The following LGALS12 variants were observed in gnomAD, a reference collection of about 807,000 sequenced individuals.
LGALS12 encodes the protein galectin-12.
In LGALS12, 36 loss-of-function variants were observed where a neutral mutation model predicts 36.8. That is an observed-to-expected ratio of 0.98 (90% confidence interval 0.75 to 1.29). The LOEUF (loss-of-function observed/expected upper bound fraction) is 1.29, where lower values mean the gene tolerates loss of function less well. Ranked by LOEUF, LGALS12 falls within the 50% of genes most tolerant of loss-of-function variation. The probability of loss-of-function intolerance (pLI) is 0.00; values close to 1 mark genes in which losing one functional copy is unlikely to be tolerated. For missense variants in LGALS12, 366 were observed against 394.3 expected (o/e 0.93, Z 0.61); for synonymous variants, 145 against 155.9 (o/e 0.93, Z 0.52).
intron 7 of LGALS12, 21 bp from the exon 8 acceptor site, chr11:63,515,539 TCTC>T (rs763762533): frequency 1.2e-6 from 2 of 1,612,552 alleles, no homozygotes; most frequent in Non-Finnish European, 1.7e-6. Flanking sequence ...GCTGATTCCT[TCTC>T]CTTCCTCCTG....
At chr11:63,508,687 G>A in intron 2 of LGALS12, 46 bp downstream of exon 2, 2 of 1,613,624 alleles carry the variant, frequency 1.2e-6, no homozygotes, top group Non-Finnish European at 1.7e-6. Flanking sequence ...CTCAGCCCTA[G>A]AGGCATCGAG....
chr11:63,511,891 G>C (rs767269117), intron 7 of LGALS12, 51 bp downstream of exon 7: 1 of 1,128,766 alleles, frequency 8.9e-7, no homozygotes, highest in Non-Finnish European at 1.4e-6. Context: ...CTCTGTGACA[G>C]TCACATGCTA....
In LGALS12 at chr11:63,516,308, C is replaced by T. The variant is rs533427521; in HGVS notation, c.860C>T (p.Ala287Val). ...KLALNGQGLGATSMNQQALEQ... is the reference protein window; with the variant it reads ...KLALNGQGLGVTSMNQQALEQ... The stretch of plus-strand genomic sequence containing the variant: ...GCGCTCAATGGGCAGGGGCTGGGGG[C>T]CACCAGCATGAACCAGCAGGCCCTG... Residue 287 changes from alanine (A) to valine (V), a missense_variant, in exon 9 of 9, where the codon GCC becomes GTC. Ala to Val is a moderately conservative substitution (Grantham distance 64, BLOSUM62 0). Coordinates refer to ENST00000394618, the MANE Select transcript of LGALS12 (RefSeq NM_033101.4). The T allele has an allele frequency of 1.2e-5, 19 of 1,611,962 alleles. No individual in the cohort carries two copies. The highest frequency in any genetic ancestry group is 1.7e-4 in the Middle Eastern group (1 of 6,044).
In LGALS12 at chr11:63,508,688, A is replaced by G. The variant is rs759274841; in HGVS notation, c.158+47A>G. On this transcript the variant is annotated intron_variant, in intron 2 of 8. Transcript: ENST00000394618. ...AGGGGGTGCTGGAGCTCAGCCCTAGAGGCATCGAGCTGGAGGGCTCCTCCC... is the reference window on the plus strand; with the variant it reads ...AGGGGGTGCTGGAGCTCAGCCCTAGGGGCATCGAGCTGGAGGGCTCCTCCC... The G allele has an allele frequency of 3.1e-6, 5 of 1,613,384 alleles. No individual in the cohort carries two copies. In the African/African-American group the frequency reaches 5.3e-5, roughly 17 times the overall value.
rs12289952 is a variant in LGALS12, at chr11:63,508,829, C to T, written c.210C>T (p.Ile70=). 1,103 of 1,614,228 alleles carry T rather than the reference C, an allele frequency of 6.8e-4. 7 individuals carry two copies. In the African/African-American group the frequency reaches 0.013, roughly 19 times the overall value. ...CGCSLCPRPD[I]AFHFNPRFHT... Reference sequence around the variant, plus strand: ...GCAGCCTGTGTCCCCGGCCAGATATCGCCTTCCACTTCAACCCTCGCTTCC... The same window carrying T: ...GCAGCCTGTGTCCCCGGCCAGATATTGCCTTCCACTTCAACCCTCGCTTCC... The change falls in exon 3 of 9, where the codon ATC becomes ATT. Residue 70 remains isoleucine (I), a synonymous_variant. Coordinates refer to ENST00000394618, the MANE Select transcript of LGALS12 (RefSeq NM_033101.4).
In LGALS12 at chr11:63,506,514, C is replaced by G; in HGVS notation, c.56C>G (p.Pro19Arg). Residue 19 changes from proline to arginine, a missense_variant, in exon 1 of 9, where the codon CCA becomes CGA. Coordinates refer to ENST00000394618, the MANE Select transcript of LGALS12 (RefSeq NM_033101.4). ...PIPDSFILQP[P>R]VFHPVVPYVT... ...CCTGACAGCTTCATTCTGCAACCACCAGTCTTCCACCCGGTGAGTTGTCAC... is the reference window on the plus strand; with the variant it reads ...CCTGACAGCTTCATTCTGCAACCACGAGTCTTCCACCCGGTGAGTTGTCAC... The G allele has an allele frequency of 6.2e-7, 1 of 1,614,232 alleles. No individual in the cohort carries two copies. Among genetic ancestry groups the G allele is most frequent in the Non-Finnish European group, 8.5e-7 (1 of 1,180,036 alleles).
intron 5 of LGALS12, 147 bp downstream of exon 5, chr11:63,510,648 G>A (rs2016890324): frequency 1.3e-6 from 1 of 748,258 alleles, no homozygotes; most frequent in Non-Finnish European, 2.2e-6. Context: ...AGTCTCTGGA[G>A]GGCCTGGATT....
At position 63,515,676 on chromosome 11, in the gene LGALS12, C is replaced by T. The variant is rs773192665; in HGVS notation, c.761C>T (p.Ser254Leu). 3 of 1,614,252 alleles carry T rather than the reference C, an allele frequency of 1.9e-6. No homozygotes were observed. The highest frequency in any genetic ancestry group is 2.5e-6 in the Non-Finnish European group (3 of 1,180,036). Residue 254 changes from serine to leucine, a missense_variant, in exon 8 of 9, where the codon TCA (serine) becomes TTA (leucine). By Grantham distance (145) the Ser-to-Leu change is moderately radical. Transcript: ENST00000394618. ...ISRWGQKKLI[S>L]APFLFYPQRF... is the part of the protein sequence containing the mutation. ...CGCTGGGGGCAGAAGAAACTGATCT[C>T]AGCCCCCTTCCTCTTTTACCCCCAG...
rs1328077675 is a variant in LGALS12, at chr11:63,516,621, C to G, written c.*228C>G. ...CCTCCACCAGGAGCCTGGGATATGGCTCCATCTGCCTTCAGGGCCTGGACT... is the reference window on the plus strand; with the variant it reads ...CCTCCACCAGGAGCCTGGGATATGGGTCCATCTGCCTTCAGGGCCTGGACT... On this transcript the variant is annotated 3_prime_UTR_variant, in exon 9 of 9. Transcript: ENST00000394618. 1 of 579,676 alleles carries G rather than the reference C, an allele frequency of 1.7e-6. No individual in the cohort carries two copies. Among genetic ancestry groups the G allele is most frequent in the South Asian group, 2.0e-5 (1 of 49,756 alleles). The allele number at this position is 579,676 out of a possible 1,614,324, so 35.9% of individuals were successfully genotyped here. A position where few individuals can be genotyped will look rare whatever the true frequency, so the allele number is the denominator to read the frequency against.
chr11:63,515,629 C>T lies in LGALS12; in HGVS notation c.714C>T (p.Asp238=). The change falls in exon 8 of 9, where the codon GAC becomes GAT. Residue 238 remains aspartate (D), a synonymous_variant. Coordinates refer to ENST00000394618, the MANE Select transcript of LGALS12 (RefSeq NM_033101.4). ...TGACACTCAGGGCCTCCTTCGCAGACAGAACTCTGGCCTGGATCTCCCGCT... is the reference window on the plus strand; with the variant it reads ...TGACACTCAGGGCCTCCTTCGCAGATAGAACTCTGGCCTGGATCTCCCGCT... The part of the protein sequence containing the change: ...APVTLRASFA[D]RTLAWISRWG... 2 of 1,614,224 alleles carry T rather than the reference C, an allele frequency of 1.2e-6. No homozygotes were observed. The highest frequency in any genetic ancestry group is 1.7e-6 in the Non-Finnish European group (2 of 1,180,026).
chr11:63,508,036 G>T (rs2016794997), intron 1 of LGALS12: 1 of 997,018 alleles, frequency 1.0e-6, no homozygotes, highest in Non-Finnish European at 1.2e-6. Flanking sequence ...ACAGAGCCCA[G>T]CCCAGGTAAC....
Position 63,508,890 on chromosome 11 carries a change from C to T in LGALS12, c.271C>T (p.His91Tyr). 1 of 1,614,260 alleles carries T rather than the reference C, an allele frequency of 6.2e-7. No homozygotes were observed. The highest frequency in any genetic ancestry group is 2.2e-5 in the East Asian group (1 of 44,894). Residue 91 changes from histidine (H) to tyrosine (Y), a missense_variant, in exon 3 of 9, where the codon CAT becomes TAT. Physicochemically the swap from His to Tyr is moderately conservative, Grantham distance 83. Coordinates refer to ENST00000394618, the MANE Select transcript of LGALS12 (RefSeq NM_033101.4). ...GCCCCATGTCATCTGCAACACCCTGCATGGTGGACGCTGGCAAAGGGAGGC... is the reference window on the plus strand; with the variant it reads ...GCCCCATGTCATCTGCAACACCCTGTATGGTGGACGCTGGCAAAGGGAGGC... ...TKPHVICNTLHGGRWQREARW... is the reference protein window; with the variant it reads ...TKPHVICNTLYGGRWQREARW...
chr11:63,506,246 C>T lies in LGALS12; in HGVS notation c.-213C>T, dbSNP rs772089634. 1.0e-5 allele frequency: 8 copies of T among 801,076 alleles called. No homozygotes were observed. Among genetic ancestry groups the T allele is most frequent in the South Asian group, 7.0e-5 (4 of 56,922 alleles). 49.6% of individuals were successfully genotyped at this position (801,076 alleles called of 1,614,324 possible). On this transcript the variant is annotated 5_prime_UTR_variant, in exon 1 of 9. Coordinates refer to ENST00000394618, the MANE Select transcript of LGALS12 (RefSeq NM_033101.4). ...CGCCCAGCCAGAGCTCTGCTGTATA[C>T]CACCGGGAGTGGGGCTGGTGTGGAG...
chr11:63,511,603 G>A, intron 6 of LGALS12, 149 bp from the exon 7 acceptor site: 1 of 627,342 alleles, frequency 1.6e-6, no homozygotes, highest in Non-Finnish European at 2.8e-6. Flanking sequence ...GAGTACAGGA[G>A]GCCAGGTGCT....
chr11:63,516,238 CT>C lies in LGALS12; in HGVS notation c.799-6del. The C allele has an allele frequency of 1.3e-6, 2 of 1,552,454 alleles. No homozygotes were observed. The highest frequency in any genetic ancestry group is 1.8e-4 in the Middle Eastern group (1 of 5,442). ...GAAGCTGCAACCCCCTCATGTCCTC[CT>C]TTCCCAGGTGCTGCTCCTGTTCCAG... On this transcript the variant is annotated splice_region_variant and splice_polypyrimidine_tract_variant and intron_variant, in intron 8 of 8. Transcript: ENST00000394618.
intron 6 of LGALS12, 53 bp from the exon 7 acceptor site, chr11:63,511,699 C>A: frequency 7.4e-7 from 1 of 1,353,628 alleles, no homozygotes; most frequent in Non-Finnish European, 1.1e-6. Context: ...GATGGGCGGT[C>A]CTCCCCAGTC....
chr11:63,506,640 C>G (rs2016751160), intron 1 of LGALS12, 113 bp downstream of exon 1: 1 of 1,399,474 alleles, frequency 7.1e-7, no homozygotes. Context: ...CTGCTTCTCC[C>G]AGCACCTGCC....
Position 63,506,341 on chromosome 11 carries a change from GACTAACA to G in LGALS12, c.-117_-111del. Reference sequence around the variant, plus strand: ...TTAAAACGCTGCAGGTCGCAGGTGAGACTAACAGCTGGGAGAGCTGCTCCAGGCATTT... The same window carrying G: ...TTAAAACGCTGCAGGTCGCAGGTGAGGCTGGGAGAGCTGCTCCAGGCATTT... On this transcript the variant is annotated 5_prime_UTR_variant, in exon 1 of 9. Coordinates refer to ENST00000394618, the MANE Select transcript of LGALS12 (RefSeq NM_033101.4). 6.2e-7 allele frequency: 1 copy of G among 1,610,956 alleles called. No homozygotes were observed. The highest frequency in any genetic ancestry group is 1.1e-5 in the South Asian group (1 of 90,874).
Position 63,516,385 on chromosome 11 carries a change from C to T in LGALS12, c.937C>T (p.His313Tyr), listed in dbSNP as rs1324074465. 3.1e-6 allele frequency: 5 copies of T among 1,613,946 alleles called. No individual in the cohort carries two copies. The highest frequency in any genetic ancestry group is 4.2e-6 in the Non-Finnish European group (5 of 1,180,012). Residue 313 changes from histidine to tyrosine, a missense_variant, in exon 9 of 9, where the codon CAC becomes TAC. His to Tyr is a moderately conservative substitution (Grantham distance 83). Transcript: ENST00000394618. ...TGGAAGTGTCCAGCTCTACTGTGTC[C>T]ACTCCTGAGGATGGTTCCAGGGAAA... ...ISGSVQLYCV[H>Y]S
Sources: gnomAD v4.1 joint callset for allele counts on GRCh38, gnomAD v4.1.1 for gene constraint, MANE v1.5 for transcripts, NCBI Gene and HGNC (gene_info 2026-07-23, HGNC 2026-07-21) for gene names.